ANKS1B: variants seen among roughly 807,000 people sequenced by gnomAD.
The protein encoded by ANKS1B is ankyrin repeat and sterile alpha motif domain containing 1B.
In ANKS1B, 36 loss-of-function variants were observed where a neutral mutation model predicts 148.3. That is an observed-to-expected ratio of 0.24 (90% confidence interval 0.19 to 0.32). The LOEUF (loss-of-function observed/expected upper bound fraction) is 0.32, where lower values mean the gene tolerates loss of function less well. Among genes scored for constraint, ANKS1B ranks in the 10% least tolerant of loss-of-function variants. ANKS1B has a pLI of 1.00. For missense variants in ANKS1B, 1,157 were observed against 1,542.6 expected (o/e 0.75, Z 4.19); for synonymous variants, 542 against 560.8 (o/e 0.97, Z 0.47).
intron 17 of ANKS1B, among the ~76,000 whole-genome samples, chr12:98,984,289 A>G (rs930979775): frequency 6.6e-6 from 1 of 152,212 alleles, no homozygotes; most frequent in Non-Finnish European, 1.5e-5. Context: ...TTTTCAACAA[A>G]GAACTGTATA....
chr12:99,782,293 G>A (rs572490647), intron 4 of ANKS1B, among the ~76,000 whole-genome samples, 196 bp from the exon 5 acceptor site: 1 of 152,300 alleles, frequency 6.6e-6, no homozygotes, highest in South Asian at 2.1e-4. Flanking sequence ...AAATACCTCT[G>A]CTTCTAAATA....
intron 10 of ANKS1B, among the ~76,000 whole-genome samples, chr12:99,487,669 C>T (rs1327739183): frequency 6.6e-6 from 1 of 151,702 alleles, no homozygotes; most frequent in Non-Finnish European, 1.5e-5. Context: ...ATTGTTGATT[C>T]ATATTTCATT....
chr12:99,305,482 T>C (rs2082215294), intron 12 of ANKS1B, among the ~76,000 whole-genome samples: 1 of 152,062 alleles, frequency 6.6e-6, no homozygotes, highest in African/African-American at 2.4e-5. Flanking sequence ...AGCAATAGGA[T>C]AGAGGATTGT....
At chr12:98,948,776 C>A (rs527260459) in intron 17 of ANKS1B, among the ~76,000 whole-genome samples, 1 of 145,888 alleles carries the variant, frequency 6.9e-6, no homozygotes, top group Non-Finnish European at 1.5e-5. Flanking sequence ...CACCCCCCCC[C>A]ACACACACAC....
intron 14 of ANKS1B, among the ~76,000 whole-genome samples, chr12:99,221,593 A>G (rs2153937671): frequency 6.6e-6 from 1 of 152,316 alleles, no homozygotes; most frequent in East Asian, 1.9e-4. Flanking sequence ...ATATGAAAAA[A>G]AGCTCAATTT....
chr12:99,522,878 T>C (rs1022344204), intron 9 of ANKS1B, among the ~76,000 whole-genome samples: 1 of 152,198 alleles, frequency 6.6e-6, no homozygotes, highest in African/African-American at 2.4e-5. Context: ...GCTAACTGGA[T>C]TGTGCTGAAT....
At chr12:99,324,360 G>A (rs1302451919) in intron 12 of ANKS1B, among the ~76,000 whole-genome samples, 1 of 152,142 alleles carries the variant, frequency 6.6e-6, no homozygotes, top group Non-Finnish European at 1.5e-5. Context: ...TAGCTTGTAA[G>A]TGGCAGAGTC....
In ANKS1B at chr12:99,544,127, TA is replaced by T. The variant is rs149401816; in HGVS notation, c.1273-39487del. 5.3e-5 allele frequency among the ~76,000 whole-genome samples: 8 copies of T among 151,626 alleles called. No homozygotes were observed. In the South Asian group the frequency reaches 6.2e-4, roughly 12 times the overall value. Reference sequence around the variant, plus strand: ...GAAAAAGAAAAATAATAAAATTCTTTAAAAAAAAACTACCTTGTGTTTGGAT... The same window carrying T: ...GAAAAAGAAAAATAATAAAATTCTTTAAAAAAAACTACCTTGTGTTTGGAT... On this transcript the variant is annotated intron_variant, in intron 9 of 26. Coordinates refer to ENST00000683438, the MANE Select transcript of ANKS1B (RefSeq NM_001352186.2).
At chr12:99,770,280 G>C (rs1441591425) in intron 8 of ANKS1B, among the ~76,000 whole-genome samples, 4 of 152,128 alleles carry the variant, frequency 2.6e-5, no homozygotes, top group Non-Finnish European at 2.9e-5. Flanking sequence ...TTCAGTTATA[G>C]TCTACACACT....
In ANKS1B at chr12:98,805,491, T is replaced by C. The variant is rs746942305; in HGVS notation, c.3141+2353A>G. Among the ~76,000 whole-genome samples, 6 of 152,320 alleles carry C rather than the reference T, an allele frequency of 3.9e-5. No individual in the cohort carries two copies. The East Asian group carries it at 9.7e-4, about 25-fold the overall frequency. ...CATGTTTGCAACTGCCAACTATAAA[T>C]CTGTAGTCTGGGTGAGTCTGAAGGA... On this transcript the variant is annotated intron_variant, in intron 20 of 26. Coordinates refer to ENST00000683438, the MANE Select transcript of ANKS1B (RefSeq NM_001352186.2).
At chr12:99,518,881 G>C (rs1262878034) in intron 9 of ANKS1B, among the ~76,000 whole-genome samples, 1 of 151,896 alleles carries the variant, frequency 6.6e-6, no homozygotes, top group African/African-American at 2.4e-5. Flanking sequence ...TTTCCTCTTA[G>C]TACTGCTTTC....
rs36165535 is a variant in ANKS1B, at chr12:99,291,953, T to C, written c.1757-45089A>G. ...TGGTGCTGGGAAAACTGGCTAGGCA[T>C]ATGTAGAAAGCTGAAACTGGATCCC... On this transcript the variant is annotated intron_variant, in intron 12 of 26. Coordinates refer to ENST00000683438, the MANE Select transcript of ANKS1B (RefSeq NM_001352186.2). Among the ~76,000 whole-genome samples the C allele has an allele frequency of 5.3e-3, 814 of 152,316 alleles. 6 individuals carry two copies. Among genetic ancestry groups the C allele is most frequent in the Admixed American group, 0.011 (171 of 15,296 alleles).
intron 8 of ANKS1B, among the ~76,000 whole-genome samples, chr12:99,661,228 G>C (rs1203754061): frequency 6.6e-6 from 1 of 152,096 alleles, no homozygotes; most frequent in Non-Finnish European, 1.5e-5. Flanking sequence ...CCTGGCACCT[G>C]GATCCATCTA....
chr12:99,825,131 T>C (rs1274996651), intron 2 of ANKS1B, among the ~76,000 whole-genome samples, 178 bp downstream of exon 2: 1 of 152,228 alleles, frequency 6.6e-6, no homozygotes, highest in Non-Finnish European at 1.5e-5. Flanking sequence ...CTGCACGCAA[T>C]TATACTCAGC....
At chr12:99,289,433 T>C (rs2079598885) in intron 12 of ANKS1B, among the ~76,000 whole-genome samples, 1 of 152,052 alleles carries the variant, frequency 6.6e-6, no homozygotes, top group African/African-American at 2.4e-5. Context: ...CATAGATATG[T>C]ACAAAACATT....
intron 8 of ANKS1B, among the ~76,000 whole-genome samples, chr12:99,717,903 T>TTC (rs1294052986): frequency 1.7e-4 from 24 of 143,010 alleles, no homozygotes; most frequent in African/African-American, 5.9e-4. Flanking sequence ...AATACTCTTT[T>TTC]TTTTTTTTTT....
intron 12 of ANKS1B, among the ~76,000 whole-genome samples, chr12:99,388,218 T>C (rs2093947349): frequency 1.3e-5 from 2 of 152,174 alleles, no homozygotes; most frequent in South Asian, 2.1e-4. Context: ...GAGACATCAA[T>C]AGTTTATTTA....
At chr12:98,992,878 G>T (rs1207846270) in intron 17 of ANKS1B, among the ~76,000 whole-genome samples, 1 of 152,140 alleles carries the variant, frequency 6.6e-6, no homozygotes, top group African/African-American at 2.4e-5. Context: ...AAGGATCTAT[G>T]ATGCCTGTCT....
chr12:99,212,558 T>C (rs1566643764), intron 14 of ANKS1B, among the ~76,000 whole-genome samples: 1 of 152,244 alleles, frequency 6.6e-6, no homozygotes, highest in Non-Finnish European at 1.5e-5. Flanking sequence ...GCTGGACCTA[T>C]ACCAGTGCCT....
Sources: gnomAD v4.1 joint callset for allele counts (sites outside exome capture counted in the v4.1 genomes callset) on GRCh38, gnomAD v4.1.1 for gene constraint, MANE v1.5 for transcripts, NCBI Gene and HGNC (gene_info 2026-07-23, HGNC 2026-07-21) for gene names.